Variants in GBF1 observed in about 807,000 individuals in gnomAD.
The protein encoded by GBF1 is golgi brefeldin A resistant guanine nucleotide exchange factor 1.
In GBF1, 114 loss-of-function variants were observed where a neutral mutation model predicts 210.5. That is an observed-to-expected ratio of 0.54 (90% CI 0.47 to 0.63). GBF1 has a LOEUF of 0.63. Among genes scored for constraint, GBF1 ranks in the 30% least tolerant of loss-of-function variants. GBF1 has a pLI of 0.00. For synonymous variants in GBF1, 850 were observed against 889.2 expected, an observed-to-expected ratio of 0.96 and a Z score of 0.78; for missense variants, 1,851 against 2,357.7, an observed-to-expected ratio of 0.79 and a Z score of 4.45.
At chr10:102,362,326 G>A in intron 14 of GBF1, 149 bp from the exon 15 acceptor site, 2 of 608,130 alleles carry the variant, frequency 3.3e-6, no homozygotes, top group East Asian at 2.8e-5. Context: ...AAAGTGCTGG[G>A]ATTACAGGCA....
At chr10:102,379,810 A>G (rs955998114) in intron 35 of GBF1, 43 bp from the exon 36 acceptor site, 4 of 1,526,374 alleles carry the variant, frequency 2.6e-6, no homozygotes, top group Non-Finnish European at 3.6e-6. Flanking sequence ...AAGGCTGCCT[A>G]GCTGAACCTC....
chr10:102,374,625 G>A (rs1211325018), intron 29 of GBF1, among the ~76,000 whole-genome samples: 2 of 152,066 alleles, frequency 1.3e-5, no homozygotes, highest in Non-Finnish European at 2.9e-5. Context: ...TGTTGTGGTG[G>A]AACTGTTCAG....
chr10:102,281,138 C>G (rs1185842931), intron 3 of GBF1, among the ~76,000 whole-genome samples: 1 of 152,120 alleles, frequency 6.6e-6, no homozygotes, highest in East Asian at 1.9e-4. Flanking sequence ...TTAAGTTTCA[C>G]TTTTTGAAGT....
At chr10:102,241,387 G>C (rs71471239), upstream of GBF1, 1 of 153,100 alleles carries the variant, frequency 6.5e-6, no homozygotes, top group African/African-American at 2.4e-5. This position sits in a 1 kb window ranked among gnomAD's most constrained non-coding sequence, Gnocchi z 6.7. Flanking sequence ...CGGCGATCTA[G>C]AGGGCAGGCA....
chr10:102,334,483 G>C (rs1371515598), intron 3 of GBF1, among the ~76,000 whole-genome samples: 2 of 152,192 alleles, frequency 1.3e-5, no homozygotes, highest in African/African-American at 2.4e-5. Flanking sequence ...GGCAGTGCTT[G>C]AGGCCACATG....
rs375347326 is a variant in GBF1, at chr10:102,368,745, C to T, written c.2886C>T (p.Cys962=). Reference sequence around the variant, plus strand: ...ATGGGGGGTAACATTACAGGAAGTGCGCCATGATCTCCGCCCACTATGGCC... The same window carrying T: ...ATGGGGGGTAACATTACAGGAAGTGTGCCATGATCTCCGCCCACTATGGCC... ...IQKAISGFRK[C]AMISAHYGLS... Residue 962 remains cysteine (C), a synonymous_variant, in exon 23 of 40, where the codon TGC becomes TGT. Transcript: ENST00000369983. 77 of 1,609,368 alleles carry T rather than the reference C, an allele frequency of 4.8e-5. No homozygotes were observed. Among genetic ancestry groups the T allele is most frequent in the African/African-American group, 8.0e-5 (6 of 74,820 alleles).
chr10:102,370,744 C>G lies in GBF1; in HGVS notation c.3544C>G (p.His1182Asp). Residue 1182 changes from histidine (H) to aspartate (D), a missense_variant, in exon 29 of 40, where the codon CAT (histidine) becomes GAT (aspartate). His to Asp is a moderately conservative substitution (Grantham distance 81). Transcript: ENST00000369983. ...CTGTGTGTGGCAGACTGTTCGAGAC[C>G]ATCTATACCACCTCTGTGTTCAGGC... ...VGCVWQTVRD[H>D]LYHLCVQAQD... is the part of the protein sequence containing the mutation. 1 of 1,613,972 alleles carries G rather than the reference C, an allele frequency of 6.2e-7. No homozygotes were observed. The highest frequency in any genetic ancestry group is 8.5e-7 in the Non-Finnish European group (1 of 1,179,872).
At chr10:102,350,673 GAAACACA>G (rs1440851002) in intron 4 of GBF1, among the ~76,000 whole-genome samples, 2 of 152,154 alleles carry the variant, frequency 1.3e-5, no homozygotes, top group African/African-American at 2.4e-5. Flanking sequence ...GGTCTTGTTA[GAAACACA>G]AATTCTCAGG....
At chr10:102,377,834 A>G (rs1456252640) in intron 33 of GBF1, among the ~76,000 whole-genome samples, 4 of 152,190 alleles carry the variant, frequency 2.6e-5, no homozygotes, top group Non-Finnish European at 5.9e-5. Flanking sequence ...CCCTGTGTCT[A>G]TTCAAAGGCA....
the GBF1 span, among the ~76,000 whole-genome samples, chr10:102,236,298 C>G: frequency 6.6e-6 from 1 of 152,194 alleles, no homozygotes; most frequent in Non-Finnish European, 1.5e-5. Flanking sequence ...GGTCTGGAAG[C>G]CGCAGGATTG....
rs1173099924 is a variant in GBF1, at chr10:102,282,258, C to T, written c.163+22142C>T. On this transcript the variant is annotated intron_variant, in intron 3 of 39. Transcript: ENST00000369983. The stretch of plus-strand genomic sequence containing the variant: ...CCGCCTGTATTCTTTTCAAGTTTCA[C>T]AAAAACTCACAAGATAGACTGTGCC... Among the ~76,000 whole-genome samples the T allele has an allele frequency of 3.9e-5, 6 of 152,198 alleles. No homozygotes were observed. The East Asian group carries it at 1.2e-3, about 29-fold the overall frequency.
chr10:102,263,697 A>G (rs2073506732), intron 3 of GBF1, among the ~76,000 whole-genome samples: 1 of 152,198 alleles, frequency 6.6e-6, no homozygotes, highest in African/African-American at 2.4e-5. Context: ...TTTCTCACAG[A>G]TGTATGTCAT....
chr10:102,289,671 A>G (rs1159296755), intron 3 of GBF1, among the ~76,000 whole-genome samples: 4 of 152,248 alleles, frequency 2.6e-5, no homozygotes, highest in Non-Finnish European at 4.4e-5. Context: ...TAGACAATTC[A>G]TAACTGGGAA....
chr10:102,324,761 AT>A (rs1355990418), intron 3 of GBF1, among the ~76,000 whole-genome samples: 1 of 151,558 alleles, frequency 6.6e-6, no homozygotes, highest in Non-Finnish European at 1.5e-5. Context: ...TAATTTTTGT[AT>A]TTTTTAGTAA....
intron 3 of GBF1, among the ~76,000 whole-genome samples, chr10:102,316,863 C>G (rs2078979224): frequency 2.0e-5 from 3 of 152,184 alleles, no homozygotes; most frequent in Admixed American, 6.5e-5. Context: ...ATAATATTCA[C>G]TGAAGGAGAG....
chr10:102,352,515 C>A lies in GBF1; in HGVS notation c.581C>A (p.Thr194Lys). ...GTAGACATGGTGCAGCTGCTCTTCA[C>A]AAGGTAAACCTGCTGCTGTTTGCTT... ...TLVDMVQLLFTRLPQFKEEPK... is the reference protein window; with the variant it reads ...TLVDMVQLLFKRLPQFKEEPK... Residue 194 changes from threonine to lysine, a missense_variant, in exon 7 of 40, where the codon ACA (threonine) becomes AAA (lysine). This residue lies in a region of GBF1 where 804 missense variants were observed against 958.6 expected (regional missense o/e 0.84). Transcript: ENST00000369983. 6.2e-7 allele frequency: 1 copy of A among 1,605,964 alleles called. No individual in the cohort carries two copies. Among genetic ancestry groups the A allele is most frequent in the Non-Finnish European group, 8.5e-7 (1 of 1,172,618 alleles).
At chr10:102,354,140 A>G (rs2059157979) in intron 8 of GBF1, among the ~76,000 whole-genome samples, 1 of 152,204 alleles carries the variant, frequency 6.6e-6, no homozygotes, top group African/African-American at 2.4e-5. Context: ...GGTCAAAAGA[A>G]TGGCTTCTTT....
At chr10:102,279,366 C>CT (rs1442742735) in intron 3 of GBF1, among the ~76,000 whole-genome samples, 3 of 152,122 alleles carry the variant, frequency 2.0e-5, no homozygotes, top group African/African-American at 7.2e-5. Flanking sequence ...GAAGTGGATT[C>CT]TTTTTTTAAA....
At chr10:102,331,857 T>TTTTC (rs1247962116) in intron 3 of GBF1, among the ~76,000 whole-genome samples, 2 of 138,042 alleles carry the variant, frequency 1.4e-5, no homozygotes, top group African/African-American at 5.4e-5. Flanking sequence ...GCTAATTTTT[T>TTTTC]TTTTTTTTTT....
Sources: gnomAD v4.1 joint callset for allele counts (sites outside exome capture counted in the v4.1 genomes callset) on GRCh38, gnomAD v4.1.1 for gene constraint, gnomAD v4.1.1 regional missense constraint, Gnocchi (gnomAD v3.1) non-coding constraint, MANE v1.5 for transcripts, NCBI Gene and HGNC (gene_info 2026-07-23, HGNC 2026-07-21) for gene names.